ACYP2: variants seen among roughly 807,000 people sequenced by gnomAD.
ACYP2 encodes acylphosphatase-2.
Under a neutral mutation model 11.2 loss-of-function variants are expected in ACYP2, and 12 were observed. The ratio of observed to expected loss-of-function variants is 1.08; its 90% CI spans 0.69 to 1.74. The LOEUF (loss-of-function observed/expected upper bound fraction) is 1.74, where lower values mean the gene tolerates loss of function less well. Among genes scored for constraint, ACYP2 ranks in the 40% most tolerant of loss-of-function variants. The probability of loss-of-function intolerance (pLI) is 0.00; values close to 1 mark genes in which losing one functional copy is unlikely to be tolerated. For missense variants in ACYP2, 134 were observed against 101.9 expected (o/e 1.31, Z -1.35); for synonymous variants, 43 against 32.2 (o/e 1.33, Z -1.13).
intron 6 of ACYP2, among the ~76,000 whole-genome samples, chr2:54,281,551 A>G (rs1688849891): frequency 6.6e-6 from 1 of 152,192 alleles, no homozygotes. Flanking sequence ...AGTAGCAAAG[A>G]TATCATGTGG....
At chr2:54,206,480 C>T (rs1184793383) in intron 6 of ACYP2, among the ~76,000 whole-genome samples, 1 of 152,130 alleles carries the variant, frequency 6.6e-6, no homozygotes, top group Non-Finnish European at 1.5e-5. Context: ...AATTAGGTTG[C>T]CTGTCACTTT....
intron 6 of ACYP2, among the ~76,000 whole-genome samples, chr2:54,169,413 G>C (rs567929239): frequency 6.6e-6 from 1 of 152,032 alleles, no homozygotes; most frequent in Non-Finnish European, 1.5e-5. Flanking sequence ...CCTTCGTTTG[G>C]ATCCTACATC....
chr2:54,147,780 T>G (rs887931165), intron 6 of ACYP2, among the ~76,000 whole-genome samples: 1 of 152,150 alleles, frequency 6.6e-6, no homozygotes, highest in African/African-American at 2.4e-5. Context: ...CTGCCTCGGC[T>G]TCCCAAAGTG....
Position 54,009,193 on chromosome 2 carries a change from C to T in ACYP2, c.62+35383C>T, listed in dbSNP as rs553527880. On this transcript the variant is annotated intron_variant, in intron 2 of 6. Transcript: ENST00000607452. Reference sequence around the variant, plus strand: ...TCAGACAGCAAAAGATTTGAGGACTCGAGGAAAGTAGGGGTGGTTTTGAAT... The same window carrying T: ...TCAGACAGCAAAAGATTTGAGGACTTGAGGAAAGTAGGGGTGGTTTTGAAT... 4.0e-5 allele frequency among the ~76,000 whole-genome samples: 6 copies of T among 151,696 alleles called. No individual in the cohort carries two copies. In the South Asian group the frequency reaches 8.3e-4, roughly 21 times the overall value.
At chr2:54,289,390 G>C (rs964973165) in intron 6 of ACYP2, among the ~76,000 whole-genome samples, 1 of 151,768 alleles carries the variant, frequency 6.6e-6, no homozygotes, top group Admixed American at 6.6e-5. Flanking sequence ...TTGTTACTAG[G>C]GTGACAATTC....
chr2:54,121,437 C>T (rs570234852), intron 4 of ACYP2, among the ~76,000 whole-genome samples: 12 of 152,278 alleles, frequency 7.9e-5, no homozygotes, highest in East Asian at 3.9e-4. Flanking sequence ...CTGGTTTCAC[C>T]GGAGACCTGT....
intron 6 of ACYP2, among the ~76,000 whole-genome samples, chr2:54,164,689 T>A (rs1010931792): frequency 6.6e-6 from 1 of 152,142 alleles, no homozygotes; most frequent in Admixed American, 6.5e-5. Flanking sequence ...CAAACAGCGT[T>A]TTTTTGTTTT....
rs772602093 is a variant in ACYP2, at chr2:54,131,711, G to T, written c.278-3742G>T. 5.9e-5 allele frequency among the ~76,000 whole-genome samples: 9 copies of T among 152,184 alleles called. No individual in the cohort carries two copies. The South Asian group carries it at 6.2e-4, about 11-fold the overall frequency. The stretch of plus-strand genomic sequence containing the variant: ...GCATCAGATCTGTGGTACCCTACGA[G>T]ATTTTAATTTTCTCCTTTTGATGCA... On this transcript the variant is annotated intron_variant, in intron 4 of 6. Transcript: ENST00000607452.
intron 2 of ACYP2, among the ~76,000 whole-genome samples, chr2:54,012,254 C>A (rs895172996): frequency 6.6e-6 from 1 of 151,154 alleles, no homozygotes; most frequent in East Asian, 1.9e-4. Flanking sequence ...AAAAAAAATA[C>A]TCCCAGGCTG....
chr2:54,026,417 G>A (rs1674288970), intron 2 of ACYP2, among the ~76,000 whole-genome samples: 1 of 152,078 alleles, frequency 6.6e-6, no homozygotes, highest in Admixed American at 6.6e-5. Context: ...AATAGATGTT[G>A]GCATGAATGT....
intron 5 of ACYP2, among the ~76,000 whole-genome samples, chr2:54,138,206 C>G (rs1452813044): frequency 6.6e-6 from 1 of 152,094 alleles, no homozygotes; most frequent in Non-Finnish European, 1.5e-5. Context: ...TTCTGCTTAT[C>G]AATACTCTAT....
intron 6 of ACYP2, among the ~76,000 whole-genome samples, chr2:54,281,302 A>G (rs888865705): frequency 6.6e-6 from 1 of 152,216 alleles, no homozygotes; most frequent in African/African-American, 2.4e-5. Context: ...GATGCCAGAT[A>G]ATTCTTATTT....
intron 4 of ACYP2, among the ~76,000 whole-genome samples, 159 bp downstream of exon 1, chr2:54,115,915 G>T (rs1431857782): frequency 1.3e-5 from 2 of 151,632 alleles, no homozygotes; most frequent in African/African-American, 4.9e-5. Flanking sequence ...GAGGCGAAAC[G>T]CGCATGCGCC....
intron 4 of ACYP2, among the ~76,000 whole-genome samples, chr2:54,061,479 T>G (rs1340546571): frequency 6.6e-6 from 1 of 152,162 alleles, no homozygotes; most frequent in Non-Finnish European, 1.5e-5. Context: ...GAGACTAAAG[T>G]TGCTGATGAT....
At position 54,115,912 on chromosome 2, in the gene ACYP2, A is replaced by C. The variant is rs529317278; in HGVS notation, c.278-19541A>C. On this transcript the variant is annotated intron_variant, in intron 4 of 6. Transcript: ENST00000607452. ...GCAGCGGCGGCGGGGAGGGAGGCGA[A>C]ACGCGCATGCGCCCGAGGACTTGGA... Among the ~76,000 whole-genome samples, 466 of 145,142 alleles carry C rather than the reference A, an allele frequency of 3.2e-3. 6 individuals are homozygous for C. The highest frequency in any genetic ancestry group is 3.9e-3 in the Non-Finnish European group (262 of 67,964).
At chr2:54,303,793 T>C (rs868036379) in intron 6 of ACYP2, among the ~76,000 whole-genome samples, 4 of 152,222 alleles carry the variant, frequency 2.6e-5, no homozygotes. Flanking sequence ...AGGAAACTCA[T>C]AGGATGTTTC....
At chr2:54,209,183 TA>T (rs1293039342) in intron 6 of ACYP2, among the ~76,000 whole-genome samples, 2 of 152,122 alleles carry the variant, frequency 1.3e-5, no homozygotes, top group Non-Finnish European at 2.9e-5. Context: ...CTATTGGATT[TA>T]AAAAAATATA....
chr2:53,998,358 A>G (rs1471529285), intron 2 of ACYP2, among the ~76,000 whole-genome samples: 1 of 152,196 alleles, frequency 6.6e-6, no homozygotes, highest in Non-Finnish European at 1.5e-5. Flanking sequence ...TTAAGCAACT[A>G]TAGGATCAGG....
At chr2:54,076,103 C>G (rs1677326437) in intron 4 of ACYP2, among the ~76,000 whole-genome samples, 1 of 152,148 alleles carries the variant, frequency 6.6e-6, no homozygotes, top group Non-Finnish European at 1.5e-5. Flanking sequence ...GTTGAACTCT[C>G]ATTTCTTTGC....
Sources: gnomAD v4.1 joint callset for allele counts (sites outside exome capture counted in the v4.1 genomes callset) on GRCh38, gnomAD v4.1.1 for gene constraint, MANE v1.5 for transcripts, NCBI Gene and HGNC (gene_info 2026-07-23, HGNC 2026-07-21) for gene names.